NLGN1: variants seen among roughly 807,000 people sequenced by gnomAD.
NLGN1 encodes the protein neuroligin-1.
In NLGN1, 12 loss-of-function variants were observed where a neutral mutation model predicts 65.5. The ratio of observed to expected loss-of-function variants is 0.18; its 90% CI spans 0.12 to 0.30. NLGN1 has a LOEUF of 0.30. Ranked by LOEUF, NLGN1 falls within the 10% of genes least tolerant of loss-of-function variation. The pLI is 1.00. For missense variants in NLGN1, 750 were observed against 1,007.1 expected (o/e 0.74, Z 3.46); for synonymous variants, 350 against 359.5 (o/e 0.97, Z 0.30).
chr3:174,161,888 C>T (rs1726609553), intron 4 of NLGN1, among the ~76,000 whole-genome samples: 1 of 151,768 alleles, frequency 6.6e-6, no homozygotes, highest in Non-Finnish European at 1.5e-5. Flanking sequence ...TCATAAATGT[C>T]AGTTCTGTGG....
chr3:173,864,614 G>C (rs1276334011), intron 4 of NLGN1, among the ~76,000 whole-genome samples: 1 of 152,062 alleles, frequency 6.6e-6, no homozygotes, highest in Non-Finnish European at 1.5e-5. Context: ...CCATAAATCT[G>C]TTATGATTTT....
intron 2 of NLGN1, among the ~76,000 whole-genome samples, chr3:173,565,266 G>T (rs1481365131): frequency 6.6e-6 from 1 of 152,188 alleles, no homozygotes; most frequent in Non-Finnish European, 1.5e-5. Flanking sequence ...AGTGAAATAG[G>T]CTGCCTTACA....
At position 173,719,513 on chromosome 3, in the gene NLGN1, A is replaced by G. The variant is rs527733742; in HGVS notation, c.494-88167A>G. On this transcript the variant is annotated intron_variant, in intron 3 of 6. Transcript: ENST00000457714. ...AATGGCTTATAGTGTAACTGCTTCC[A>G]AGGGGACTTACATCACAATTAGAGC... Among the ~76,000 whole-genome samples the G allele has an allele frequency of 2.0e-5, 3 of 152,302 alleles. No homozygotes were observed. In the East Asian group the frequency reaches 5.8e-4, roughly 29 times the overall value.
chr3:174,269,584 A>G (rs1027230815), intron 4 of NLGN1, among the ~76,000 whole-genome samples: 6 of 152,004 alleles, frequency 3.9e-5, no homozygotes, highest in Admixed American at 2.6e-4. Flanking sequence ...TTCTTTATAC[A>G]TTGATCTGTC....
chr3:174,041,573 G>A (rs190545209), intron 4 of NLGN1, among the ~76,000 whole-genome samples: 1 of 152,244 alleles, frequency 6.6e-6, no homozygotes, highest in African/African-American at 2.4e-5. Context: ...AATTAGATGT[G>A]AGTTGCAATT....
rs760564960 is a variant in NLGN1, at chr3:173,409,414, G to A, written c.-390+10927G>A. ...TTCATATTCCATATGTACTGTAGAC[G>A]GGAATGTGGAAAAACACTAGAAAAC... is the stretch of plus-strand genomic sequence containing the variant. On this transcript the variant is annotated intron_variant, in intron 1 of 6. Transcript: ENST00000457714. 7.2e-5 allele frequency among the ~76,000 whole-genome samples: 11 copies of A among 152,096 alleles called. No homozygotes were observed. In the South Asian group the frequency reaches 1.0e-3, roughly 14 times the overall value.
intron 3 of NLGN1, among the ~76,000 whole-genome samples, chr3:173,672,864 G>T (rs1762633497): frequency 6.6e-6 from 1 of 152,134 alleles, no homozygotes; most frequent in Non-Finnish European, 1.5e-5. Flanking sequence ...AGCAGAAGTG[G>T]TTATACATTA....
intron 3 of NLGN1, among the ~76,000 whole-genome samples, chr3:173,719,833 G>T (rs1353166868): frequency 1.3e-5 from 2 of 152,066 alleles, no homozygotes; most frequent in African/African-American, 2.4e-5. Context: ...CTGATTTCTG[G>T]GCCAGACACA....
intron 4 of NLGN1, among the ~76,000 whole-genome samples, chr3:174,112,941 A>G (rs2152622878): frequency 6.6e-6 from 1 of 151,998 alleles, no homozygotes; most frequent in East Asian, 1.9e-4. Context: ...AAAAATCTTT[A>G]TGGCTAAACA....
intron 4 of NLGN1, among the ~76,000 whole-genome samples, chr3:174,210,238 A>G (rs1011694816): frequency 2.6e-5 from 4 of 152,188 alleles, no homozygotes; most frequent in Non-Finnish European, 5.9e-5. Context: ...CATATCACTT[A>G]TCACTATCTG....
chr3:173,861,352 C>G (rs1206608518), intron 4 of NLGN1, among the ~76,000 whole-genome samples: 1 of 151,104 alleles, frequency 6.6e-6, no homozygotes, highest in Non-Finnish European at 1.5e-5. Flanking sequence ...ATGGCAACCA[C>G]TAGAAATTAA....
intron 2 of NLGN1, among the ~76,000 whole-genome samples, chr3:173,459,275 A>T (rs537978938): frequency 2.6e-5 from 4 of 152,046 alleles, no homozygotes; most frequent in South Asian, 2.1e-4. Context: ...GCATTTTTTA[A>T]AAAAAATAGC....
At chr3:173,538,297 C>A (rs912828884) in intron 2 of NLGN1, among the ~76,000 whole-genome samples, 1 of 152,164 alleles carries the variant, frequency 6.6e-6, no homozygotes, top group Non-Finnish European at 1.5e-5. Flanking sequence ...TTCCACCATT[C>A]TCTGAAACCA....
chr3:173,430,475 C>G (rs1716971990), intron 1 of NLGN1, among the ~76,000 whole-genome samples: 2 of 152,128 alleles, frequency 1.3e-5, no homozygotes, highest in African/African-American at 4.8e-5. Flanking sequence ...TAAGATGTAT[C>G]TTTTGGAAAA....
intron 4 of NLGN1, among the ~76,000 whole-genome samples, chr3:174,272,602 G>A (rs1009959936): frequency 7.9e-5 from 12 of 151,052 alleles, no homozygotes; most frequent in African/African-American, 2.7e-4. Context: ...ACCCAGCGTC[G>A]TCCTCTAAAT....
At chr3:174,047,400 T>C (rs1000313445) in intron 4 of NLGN1, among the ~76,000 whole-genome samples, 3 of 152,196 alleles carry the variant, frequency 2.0e-5, no homozygotes, top group East Asian at 3.9e-4. Context: ...GTAATTGAGA[T>C]GGTGACTGAG....
chr3:173,886,367 T>A (rs1022687544), intron 4 of NLGN1, among the ~76,000 whole-genome samples: 8 of 152,098 alleles, frequency 5.3e-5, no homozygotes, highest in Non-Finnish European at 7.4e-5. Flanking sequence ...GCCTTTCAAA[T>A]GTGAAAAAAC....
intron 4 of NLGN1, among the ~76,000 whole-genome samples, chr3:173,827,301 T>G (rs1721531084): frequency 6.6e-6 from 1 of 151,992 alleles, no homozygotes; most frequent in Non-Finnish European, 1.5e-5. Context: ...AGGTAAAGAT[T>G]CTAGTGAAGA....
intron 3 of NLGN1, among the ~76,000 whole-genome samples, chr3:173,680,278 A>AT (rs1375696353): frequency 6.6e-6 from 1 of 152,114 alleles, no homozygotes; most frequent in African/African-American, 2.4e-5. Context: ...CTTATTAAGT[A>AT]TTTCACTTAC....
Sources: gnomAD v4.1 joint callset for allele counts (sites outside exome capture counted in the v4.1 genomes callset) on GRCh38, gnomAD v4.1.1 for gene constraint, MANE v1.5 for transcripts, NCBI Gene and HGNC (gene_info 2026-07-23, HGNC 2026-07-21) for gene names.